C12orf42: variants seen among roughly 807,000 people sequenced by gnomAD.
The protein encoded by C12orf42 is chromosome 12 open reading frame 42.
In C12orf42, 25 loss-of-function variants were observed where a neutral mutation model predicts 21.6. The observed-to-expected ratio is 1.16, with a 90% CI of 0.84 to 1.62. The LOEUF is 1.62. C12orf42 is among the 40% of genes most tolerant of loss of function. The probability of loss-of-function intolerance (pLI) is 0.00; values close to 1 mark genes in which losing one functional copy is unlikely to be tolerated. For missense variants in C12orf42, 483 were observed against 459.3 expected, an observed-to-expected ratio of 1.05 and a Z score of -0.47; for synonymous variants, 174 against 175.0, an observed-to-expected ratio of 0.99 and a Z score of 0.05.
the C12orf42 span, among the ~76,000 whole-genome samples, chr12:103,532,529 G>T: frequency 6.6e-6 from 1 of 151,840 alleles, no homozygotes; most frequent in Admixed American, 6.6e-5. Context: ...ACAATATTGT[G>T]CCATCTGGAA....
At chr12:103,455,951 T>C (rs1952260105) in intron 2 of C12orf42, among the ~76,000 whole-genome samples, 2 of 152,062 alleles carry the variant, frequency 1.3e-5, no homozygotes, top group South Asian at 4.1e-4. Flanking sequence ...TTGAGTTCCA[T>C]GACACAGAAC....
chr12:103,495,701 C>G (rs572190697), intron 1 of C12orf42: 1 of 152,170 alleles, frequency 6.6e-6, no homozygotes, highest in African/African-American at 2.4e-5. Context: ...CCCCCCACCC[C>G]CCTGCCCCGA....
At chr12:103,061,814 A>G in the C12orf42 span, among the ~76,000 whole-genome samples, 1 of 151,684 alleles carries the variant, frequency 6.6e-6, no homozygotes, top group African/African-American at 2.4e-5. Context: ...GATTTTTTTT[A>G]ATGAGGCATT....
intron 3 of C12orf42, among the ~76,000 whole-genome samples, chr12:103,377,762 C>T (rs1245472508): frequency 2.0e-5 from 3 of 152,136 alleles, no homozygotes; most frequent in African/African-American, 4.8e-5. Context: ...TATGGAGAAC[C>T]TTCAGGACCC....
the C12orf42 span, among the ~76,000 whole-genome samples, chr12:103,130,759 A>T: frequency 6.6e-6 from 1 of 152,152 alleles, no homozygotes; most frequent in Non-Finnish European, 1.5e-5. Context: ...CCTCACAGTG[A>T]TGGGTCATTG....
At chr12:103,510,717 G>A in the C12orf42 span, among the ~76,000 whole-genome samples, 2 of 152,074 alleles carry the variant, frequency 1.3e-5, no homozygotes, top group African/African-American at 4.8e-5. Context: ...CTTTTCCTTT[G>A]TGCTGTGGGT....
the C12orf42 span, among the ~76,000 whole-genome samples, chr12:103,210,639 C>CTTTTTTTTTTTTTTTTTTTTTTTT: frequency 3.7e-4 from 29 of 77,610 alleles, no homozygotes; most frequent in Non-Finnish European, 5.1e-4. Context: ...CCCTCTATTT[C>CTTTTTTTTTTTTTTTTTTTTTTTT]TTTTTTTTTT....
chr12:103,249,417 A>T (rs1206537625), intron 10 of C12orf42, among the ~76,000 whole-genome samples: 5 of 152,174 alleles, frequency 3.3e-5, no homozygotes, highest in African/African-American at 1.2e-4. Flanking sequence ...GCAAAAGATG[A>T]TGGCTGACTA....
At chr12:103,168,100 A>G in the C12orf42 span, 13 of 455,838 alleles carry the variant, frequency 2.9e-5, no homozygotes, top group African/African-American at 1.8e-4. Context: ...ATTCACCACA[A>G]TGGAAGTCTT....
intron 4 of C12orf42, among the ~76,000 whole-genome samples, chr12:103,365,867 G>A (rs903263551): frequency 2.0e-5 from 3 of 151,970 alleles, no homozygotes; most frequent in Non-Finnish European, 4.4e-5. Flanking sequence ...TTCACAGATG[G>A]GCAGAATCAA....
At chr12:103,283,615 T>C (rs1377142280) in intron 4 of C12orf42, among the ~76,000 whole-genome samples, 1 of 152,172 alleles carries the variant, frequency 6.6e-6, no homozygotes, top group Non-Finnish European at 1.5e-5. Flanking sequence ...CAGCCAGCGC[T>C]CACATCTGAA....
At chr12:103,331,198 T>C (rs1818844282) in intron 4 of C12orf42, among the ~76,000 whole-genome samples, 1 of 152,210 alleles carries the variant, frequency 6.6e-6, no homozygotes, top group African/African-American at 2.4e-5. Context: ...ACACTTCCAT[T>C]AGCCTACAGT....
At chr12:103,138,335 C>T in the C12orf42 span, among the ~76,000 whole-genome samples, 1 of 152,164 alleles carries the variant, frequency 6.6e-6, no homozygotes, top group Non-Finnish European at 1.5e-5. Context: ...TTCCTCCTTG[C>T]TGTTCTTGTG....
At chr12:103,361,658 A>G (rs2044122237) in intron 4 of C12orf42, among the ~76,000 whole-genome samples, 1 of 151,954 alleles carries the variant, frequency 6.6e-6, no homozygotes, top group South Asian at 2.1e-4. Context: ...CTAGAAACAA[A>G]CTTGGTACCT....
intron 2 of C12orf42, among the ~76,000 whole-genome samples, chr12:103,403,757 T>A (rs1317867669): frequency 6.6e-6 from 1 of 152,220 alleles, no homozygotes; most frequent in Non-Finnish European, 1.5e-5. Context: ...CTCCATGGAC[T>A]TCCTGCCACT....
chr12:103,152,423 A>G, the C12orf42 span, among the ~76,000 whole-genome samples: 2 of 152,240 alleles, frequency 1.3e-5, no homozygotes, highest in East Asian at 3.8e-4. Context: ...CCTTCCTGAG[A>G]TCAGGAATGC....
intron 4 of C12orf42, among the ~76,000 whole-genome samples, chr12:103,322,504 G>A (rs1000729030): frequency 2.0e-5 from 3 of 152,134 alleles, no homozygotes; most frequent in African/African-American, 7.2e-5. Context: ...AGAATGAGAG[G>A]CACAGATGGA....
chr12:103,344,391 A>G (rs1337088356), intron 4 of C12orf42, among the ~76,000 whole-genome samples: 1 of 152,202 alleles, frequency 6.6e-6, no homozygotes, highest in Non-Finnish European at 1.5e-5. Flanking sequence ...TTTTGTACAC[A>G]GGCTGGCCAG....
chr12:103,364,737 G>C (rs2044441743), intron 4 of C12orf42, among the ~76,000 whole-genome samples: 1 of 151,856 alleles, frequency 6.6e-6, no homozygotes, highest in African/African-American at 2.4e-5. Context: ...ACCTAAAGGA[G>C]ATGGATACAT....
Sources: allele counts gnomAD v4.1 joint callset (sites outside exome capture counted in the v4.1 genomes callset), GRCh38; gene constraint gnomAD v4.1.1; transcripts MANE v1.5; gene names NCBI Gene and HGNC (gene_info 2026-07-23, HGNC 2026-07-21).